Variants in SVIL observed in about 807,000 individuals in gnomAD.
SVIL encodes the protein archvillin.
Under a neutral mutation model 240.4 loss-of-function variants are expected in SVIL, and 101 were observed. That is an observed-to-expected ratio of 0.42 (90% confidence interval 0.36 to 0.50). The LOEUF (loss-of-function observed/expected upper bound fraction) is 0.50, where lower values mean the gene tolerates loss of function less well. SVIL is among the 20% of genes least tolerant of loss of function. SVIL has a pLI of 0.01. For missense variants in SVIL, 2,512 were observed against 2,818.7 expected (o/e 0.89, Z 2.46); for synonymous variants, 999 against 1,100.0 (o/e 0.91, Z 1.82).
intron 16 of SVIL, among the ~76,000 whole-genome samples, chr10:29,521,499 C>T (rs560043945): frequency 6.6e-6 from 1 of 152,250 alleles, no homozygotes; most frequent in East Asian, 1.9e-4. Context: ...TTTTTTCCTA[C>T]TGAATACTTT....
intron 17 of SVIL, among the ~76,000 whole-genome samples, chr10:29,500,129 G>C (rs532541723): frequency 2.0e-5 from 3 of 152,110 alleles, no homozygotes; most frequent in Admixed American, 6.5e-5. Flanking sequence ...TGGGGCTGAG[G>C]AGGGAGGGAC....
intron 35 of SVIL, among the ~76,000 whole-genome samples, chr10:29,463,135 T>G (rs540471473): frequency 1.3e-5 from 2 of 152,314 alleles, no homozygotes; most frequent in East Asian, 3.9e-4. Context: ...GCAGATAATG[T>G]ACAGGGCAGA....
chr10:29,696,727 T>A (rs1422054628), intron 1 of SVIL, among the ~76,000 whole-genome samples: 1 of 147,594 alleles, frequency 6.8e-6, no homozygotes, highest in Non-Finnish European at 1.5e-5. Context: ...AACCGCCCCG[T>A]CTGAGAAGTG....
chr10:29,607,870 T>A (rs963765994), intron 1 of SVIL, among the ~76,000 whole-genome samples: 16 of 152,194 alleles, frequency 1.1e-4, no homozygotes, highest in African/African-American at 3.9e-4. Flanking sequence ...GAAGAAGATG[T>A]GAACTGAGTT....
At chr10:29,665,829 A>C (rs575492705) in intron 2 of SVIL, among the ~76,000 whole-genome samples, 1 of 151,320 alleles carries the variant, frequency 6.6e-6, no homozygotes, top group South Asian at 2.1e-4. Context: ...CAAACAAAAA[A>C]CCCTACTGCT....
chr10:29,722,811 C>T (rs776944960), intron 1 of SVIL, among the ~76,000 whole-genome samples: 39 of 152,332 alleles, frequency 2.6e-4, no homozygotes, highest in Non-Finnish European at 4.6e-4. Flanking sequence ...GTTACACACA[C>T]ATAGGACCTC....
At chr10:29,669,678 G>C (rs1397395470) in intron 2 of SVIL, among the ~76,000 whole-genome samples, 1 of 152,156 alleles carries the variant, frequency 6.6e-6, no homozygotes, top group South Asian at 2.1e-4. Flanking sequence ...ACTGAGAAGT[G>C]GCCAGACTGG....
At chr10:29,576,295 G>A (rs1440679754) in intron 1 of SVIL, among the ~76,000 whole-genome samples, 1 of 151,940 alleles carries the variant, frequency 6.6e-6, no homozygotes, top group African/African-American at 2.4e-5. Flanking sequence ...TCTGCAAGAG[G>A]GAAAATTTAC....
intron 1 of SVIL, among the ~76,000 whole-genome samples, chr10:29,589,859 G>C (rs1336973432): frequency 6.6e-6 from 1 of 152,098 alleles, no homozygotes; most frequent in Non-Finnish European, 1.5e-5. Context: ...CTAAAATTAA[G>C]TTTGTTCTCA....
chr10:29,656,463 T>A (rs1223841019), intron 3 of SVIL, among the ~76,000 whole-genome samples: 2 of 151,968 alleles, frequency 1.3e-5, no homozygotes, highest in African/African-American at 4.8e-5. Flanking sequence ...ATAGCTTTTT[T>A]TTTTAAAAAA....
chr10:29,588,332 C>T (rs1473149448), intron 1 of SVIL, among the ~76,000 whole-genome samples: 2 of 150,936 alleles, frequency 1.3e-5, no homozygotes, highest in African/African-American at 2.5e-5. Flanking sequence ...GGCAGAGACG[C>T]ATCTGACACT....
At position 29,512,839 on chromosome 10, in the gene SVIL, C is replaced by G; in HGVS notation, c.3412G>C (p.Gly1138Arg). ...AGTCTGTTTCTCCAATCTTCCTCCC[C>G]GCTTTTCTTCAACAGTGCCAATCTA... ...KERLALLKKS[G>R]EEDWRNRLSR... Residue 1138 changes from glycine (G) to arginine (R), a missense_variant, in exon 17 of 38, where the codon GGG (glycine) becomes CGG (arginine). Around this residue, in one of 3 missense-constraint regions of SVIL, gnomAD observed 1,443 missense variants for 1,486.6 expected, o/e 0.97. Transcript: ENST00000355867. The G allele has an allele frequency of 6.2e-7, 1 of 1,611,358 alleles. No individual in the cohort carries two copies. Among genetic ancestry groups the G allele is most frequent in the Non-Finnish European group, 8.5e-7 (1 of 1,179,996 alleles).
intron 17 of SVIL, among the ~76,000 whole-genome samples, chr10:29,506,748 A>AT (rs746465071): frequency 1.4e-5 from 2 of 139,102 alleles, no homozygotes; most frequent in African/African-American, 5.4e-5. Flanking sequence ...CAGAGGCCCT[A>AT]GAGGGAGGGG....
chr10:29,553,290 G>A (rs1410438312), intron 5 of SVIL, among the ~76,000 whole-genome samples: 1 of 152,114 alleles, frequency 6.6e-6, no homozygotes, highest in East Asian at 1.9e-4. Flanking sequence ...ATAAAAAGCA[G>A]CAGCATGGCC....
At chr10:29,477,360 C>A (rs1002339927) in intron 29 of SVIL, among the ~76,000 whole-genome samples, 8 of 152,240 alleles carry the variant, frequency 5.3e-5, no homozygotes, top group African/African-American at 1.9e-4. Context: ...CTATCAGGCC[C>A]TGGAGGAGCC....
chr10:29,646,462 G>A (rs756232102), intron 3 of SVIL, among the ~76,000 whole-genome samples: 86 of 152,190 alleles, frequency 5.7e-4, no homozygotes, highest in Non-Finnish European at 1.0e-3. Flanking sequence ...TTACTGGCCC[G>A]TATGGTAAGC....
At chr10:29,459,404 G>T (rs1428581923) in intron 36 of SVIL, among the ~76,000 whole-genome samples, 2 of 152,096 alleles carry the variant, frequency 1.3e-5, no homozygotes, top group Non-Finnish European at 2.9e-5. Flanking sequence ...AATGTTTAGG[G>T]ACTGTCCCAT....
intron 1 of SVIL, among the ~76,000 whole-genome samples, chr10:29,574,419 C>T (rs1032231543): frequency 5.3e-5 from 8 of 152,192 alleles, no homozygotes; most frequent in East Asian, 1.9e-4. Context: ...TCATGGTACA[C>T]GGGCGGTGGC....
chr10:29,496,907 G>C (rs1948488440), intron 18 of SVIL, among the ~76,000 whole-genome samples: 1 of 152,190 alleles, frequency 6.6e-6, no homozygotes, highest in Non-Finnish European at 1.5e-5. Flanking sequence ...GAAAACCTGA[G>C]GTCTGGTTCA....
Sources: gnomAD v4.1 joint callset for allele counts (sites outside exome capture counted in the v4.1 genomes callset) on GRCh38, gnomAD v4.1.1 for gene constraint, gnomAD v4.1.1 regional missense constraint, MANE v1.5 for transcripts, NCBI Gene and HGNC (gene_info 2026-07-23, HGNC 2026-07-21) for gene names.